Variants in NADK observed in about 807,000 individuals in gnomAD.
NADK encodes poly(P)/ATP NAD kinase.
A neutral mutation model predicts 49.8 loss-of-function variants in NADK; 22 were observed. That is an observed-to-expected ratio of 0.44 (90% CI 0.32 to 0.63). The LOEUF (loss-of-function observed/expected upper bound fraction) is 0.63, where lower values mean the gene tolerates loss of function less well. NADK is among the 30% of genes least tolerant of loss of function. NADK has a pLI of 0.06. For missense variants in NADK, 438 were observed against 609.4 expected (o/e 0.72, Z 2.96); for synonymous variants, 268 against 253.7 (o/e 1.06, Z -0.54).
chr1:1,760,078 G>A (rs954894009), intron 3 of NADK, among the ~76,000 whole-genome samples: 4 of 152,228 alleles, frequency 2.6e-5, no homozygotes, highest in Admixed American at 6.5e-5. Flanking sequence ...TGGTGAGGCC[G>A]CGGCGAGTGG....
chr1:1,765,650 G>A (rs1252357595), intron 1 of NADK, among the ~76,000 whole-genome samples: 1 of 152,144 alleles, frequency 6.6e-6, no homozygotes, highest in Non-Finnish European at 1.5e-5. Context: ...CGTGGCTCAC[G>A]CCTGTCATCC....
intron 3 of NADK, chr1:1,759,096 C>A (rs1400730049): frequency 4.6e-6 from 7 of 1,535,892 alleles, no homozygotes; most frequent in South Asian, 1.2e-5. Context: ...ACAGTCACCA[C>A]TGACCCAGTG....
In NADK at chr1:1,756,294, T is replaced by TC. The variant is rs1426250322; in HGVS notation, c.548dup (p.Asp184ArgfsTer35). The TC allele has an allele frequency of 6.2e-7, 1 of 1,613,824 alleles. No homozygotes were observed. Among genetic ancestry groups the TC allele is most frequent in the East Asian group, 2.2e-5 (1 of 44,866 alleles). ...AGGAAGCGTACAGCAGCGTCCCGTC[T>TC]CCCCCCAGGCAGATGATGAAGTCTA... On this transcript the variant is annotated frameshift_variant, in exon 6 of 12. Coordinates refer to ENST00000341426, the MANE Select transcript of NADK (RefSeq NM_023018.5). LOFTEE classifies it high-confidence loss of function.
intron 6 of NADK, among the ~76,000 whole-genome samples, chr1:1,755,712 C>T (rs1037360878): frequency 3.3e-5 from 5 of 151,760 alleles, no homozygotes; most frequent in South Asian, 2.1e-4. Context: ...CAGGGCTGAG[C>T]GGCCCCCTGG....
chr1:1,778,958 G>A (rs1646297284), upstream of NADK, among the ~76,000 whole-genome samples: 1 of 152,244 alleles, frequency 6.6e-6, no homozygotes, highest in Non-Finnish European at 1.5e-5. This position sits in a 1 kb window ranked among gnomAD's most constrained non-coding sequence, Gnocchi z 4.9. Flanking sequence ...GCTGTGACAC[G>A]GTGTGGGCCG....
Position 1,755,447 on chromosome 1 carries a change from G to A in NADK, c.615C>T (p.His205=), listed in dbSNP as rs374751203. Residue 205 remains histidine (H), a synonymous_variant, in exon 7 of 12, where the codon CAC becomes CAT. Transcript: ENST00000341426. ...GGGTCAGGAAGCCCAGGGAGCCCAG[G>A]TGGAAGGCCATGACCGGAGGGACGC... The part of the protein sequence containing the change: ...QGSVPPVMAF[H]LGSLGFLTPF... The A allele has an allele frequency of 7.4e-6, 12 of 1,614,044 alleles. No individual in the cohort carries two copies. In the East Asian group the frequency reaches 1.8e-4, roughly 24 times the overall value.
chr1:1,773,578 C>T (rs1391333559), intron 1 of NADK, among the ~76,000 whole-genome samples: 2 of 151,606 alleles, frequency 1.3e-5, no homozygotes, highest in Non-Finnish European at 2.9e-5. Flanking sequence ...CAGCAAGACC[C>T]CGTCTCTACA....
At position 1,756,822 on chromosome 1, in the gene NADK, G is replaced by A. The variant is rs746786549; in HGVS notation, c.394-214C>T. On this transcript the variant is annotated intron_variant, in intron 4 of 11. Transcript: ENST00000341426. ...CGGAGGGGGCTCCCTCTCAGGAATT[G>A]ACTAAGGCTGTTATTTCAGGAGTGG... The A allele has an allele frequency of 3.4e-6, 3 of 894,798 alleles. No individual in the cohort carries two copies. In the East Asian group the frequency reaches 7.2e-5, roughly 21 times the overall value. 55.4% of individuals were successfully genotyped at this position (894,798 alleles called of 1,614,324 possible). A position where few individuals can be genotyped will look rare whatever the true frequency, so the allele number is the denominator to read the frequency against.
intron 1 of NADK, among the ~76,000 whole-genome samples, chr1:1,772,098 C>G (rs1279670153): frequency 1.3e-5 from 2 of 151,856 alleles, no homozygotes; most frequent in South Asian, 4.2e-4. Context: ...CGTGAGCCAC[C>G]TCACCCAGCT....
intron 1 of NADK, among the ~76,000 whole-genome samples, chr1:1,770,396 G>T (rs953480242): frequency 4.6e-5 from 7 of 152,180 alleles, no homozygotes; most frequent in African/African-American, 1.7e-4. Flanking sequence ...AAGTGAAGTT[G>T]TACTTGCAGA....
At chr1:1,757,589 C>T (rs566925127) in intron 3 of NADK, among the ~76,000 whole-genome samples, 5 of 152,180 alleles carry the variant, frequency 3.3e-5, no homozygotes, top group East Asian at 1.9e-4. Context: ...CCCAAGTGCA[C>T]GCACCACAGC....
At chr1:1,764,515 C>A (rs1370577745) in intron 2 of NADK, among the ~76,000 whole-genome samples, 1 of 152,208 alleles carries the variant, frequency 6.6e-6, no homozygotes, top group Non-Finnish European at 1.5e-5. Flanking sequence ...CTCCACCAGC[C>A]CTGCTCACAG....
chr1:1,766,292 G>A (rs1240094585), intron 1 of NADK, among the ~76,000 whole-genome samples: 1 of 151,556 alleles, frequency 6.6e-6, no homozygotes, highest in East Asian at 1.9e-4. Context: ...TGTAATCCCA[G>A]CTACTTGGGA....
intron 1 of NADK, among the ~76,000 whole-genome samples, chr1:1,773,721 T>TGAGAGAGAGA (rs1646124631): frequency 7.3e-6 from 1 of 136,384 alleles, no homozygotes; most frequent in African/African-American, 2.8e-5. Context: ...TGTGTGTGTG[T>TGAGAGAGAGA]GTGTGTGTGA....
At chr1:1,761,877 C>G in intron 3 of NADK, 75 bp downstream of exon 3, 2 of 1,388,396 alleles carry the variant, frequency 1.4e-6, no homozygotes. Flanking sequence ...CATCCCATGG[C>G]CCCCGGCACT....
intron 1 of NADK, among the ~76,000 whole-genome samples, chr1:1,771,864 G>A (rs7529918): frequency 0.4 from 60,135 of 151,464 alleles, 14,392 homozygotes; most frequent in Admixed American, 0.55. Flanking sequence ...CTGGAGTACA[G>A]TGGTGTGATC....
At position 1,757,285 on chromosome 1, in the gene NADK, G is replaced by A. The variant is rs1335212018; in HGVS notation, c.289C>T (p.Arg97Trp). 1.9e-6 allele frequency: 3 copies of A among 1,613,636 alleles called. No homozygotes were observed. The highest frequency in any genetic ancestry group is 2.5e-6 in the Non-Finnish European group (3 of 1,179,958). ...IMHIQDPASQ[R>W]LTWNKSPKSV... ...TTTGGGGACTTGTTCCACGTCAGCC[G>A]CTGGCTCGCGGGGTCCTGAATGTGC... Residue 97 changes from arginine (R) to tryptophan (W), a missense_variant, in exon 4 of 12, where the codon CGG becomes TGG. Physicochemically the swap from Arg to Trp is moderately radical, Grantham distance 101 (BLOSUM62 -3). Transcript: ENST00000341426.
At chr1:1,759,603 G>T in intron 3 of NADK, 1 of 1,092,900 alleles carries the variant, frequency 9.1e-7, no homozygotes, top group Non-Finnish European at 1.3e-6. Flanking sequence ...TGCATGGGAA[G>T]CCCTGCCCCT....
intron 1 of NADK, among the ~76,000 whole-genome samples, chr1:1,777,417 C>G (rs991077337): frequency 6.6e-6 from 1 of 152,150 alleles, no homozygotes; most frequent in South Asian, 2.1e-4. Context: ...TTAAGGCAAA[C>G]ATGTCAGTTT....
Sources: gnomAD v4.1 joint callset for allele counts (sites outside exome capture counted in the v4.1 genomes callset) on GRCh38, gnomAD v4.1.1 for gene constraint, Gnocchi (gnomAD v3.1) non-coding constraint, MANE v1.5 for transcripts, NCBI Gene and HGNC (gene_info 2026-07-23, HGNC 2026-07-21) for gene names.